MANBA: variants seen among roughly 807,000 people sequenced by gnomAD.
MANBA encodes the protein beta-mannosidase.
A neutral mutation model predicts 111.1 loss-of-function variants in MANBA; 83 were observed. That is an observed-to-expected ratio of 0.75 (90% confidence interval 0.63 to 0.90). MANBA has a LOEUF of 0.90. Among genes scored for constraint, MANBA ranks in the 40% least tolerant of loss-of-function variants. The probability of loss-of-function intolerance (pLI) is 0.00; values close to 1 mark genes in which losing one functional copy is unlikely to be tolerated. For missense variants in MANBA, 1,036 were observed against 1,069.0 expected, an observed-to-expected ratio of 0.97 and a Z score of 0.43; for synonymous variants, 370 against 378.7, an observed-to-expected ratio of 0.98 and a Z score of 0.27.
intron 5 of MANBA, among the ~76,000 whole-genome samples, chr4:102,702,785 G>C (rs888634447): frequency 6.6e-6 from 1 of 152,138 alleles, no homozygotes; most frequent in Non-Finnish European, 1.5e-5. Flanking sequence ...AACTATGGTT[G>C]GTCCTTTGAT....
Position 102,644,055 on chromosome 4 carries a change from T to C in MANBA, c.1870-4198A>G, listed in dbSNP as rs186595766. Among the ~76,000 whole-genome samples, 255 of 152,326 alleles carry C rather than the reference T, an allele frequency of 1.7e-3. 1 individual carries two copies. Among genetic ancestry groups the C allele is most frequent in the African/African-American group, 5.8e-3 (240 of 41,586 alleles). ...CTATTACATATAGATCTTTGATCCA[T>C]TTTGAGTTAATTTTTGTATATGGTA... On this transcript the variant is annotated intron_variant, in intron 13 of 16. Transcript: ENST00000647097.
chr4:102,638,219 T>C (rs376512495), intron 14 of MANBA, among the ~76,000 whole-genome samples: 58 of 152,016 alleles, frequency 3.8e-4, no homozygotes, highest in African/African-American at 1.4e-3. Flanking sequence ...AGACCAGGTG[T>C]TCAAGACCAG....
Position 102,634,850 on chromosome 4 carries a change from T to A in MANBA, c.2353A>T (p.Thr785Ser). The stretch of plus-strand genomic sequence containing the variant: ...GGTGAGGACAAGAAGTGGTAGTTGG[T>A]CGGGCTCAGGAGTTCATGGTCAGCT... Reference protein sequence around the residue: ...LSADHELLSPTNYHFLSSPKE... With the variant: ...LSADHELLSPSNYHFLSSPKE... Residue 785 changes from threonine (T) to serine (S), a missense_variant, in exon 16 of 17, where the codon ACC becomes TCC. Transcript: ENST00000647097. The A allele has an allele frequency of 3.1e-6, 5 of 1,614,178 alleles. No homozygotes were observed. The highest frequency in any genetic ancestry group is 4.2e-6 in the Non-Finnish European group (5 of 1,180,006).
intron 4 of MANBA, 63 bp downstream of exon 4, chr4:102,722,808 A>G (rs955874795): frequency 5.3e-5 from 81 of 1,527,496 alleles, no homozygotes; most frequent in Middle Eastern, 1.7e-4. Flanking sequence ...TCAAATAAGC[A>G]TTTCATATGC....
chr4:102,681,671 T>A (rs1731983675), intron 7 of MANBA: 1 of 152,234 alleles, frequency 6.6e-6, no homozygotes, highest in Non-Finnish European at 1.5e-5. Context: ...TTATAATCAC[T>A]GTGCTATTGT....
chr4:102,635,163 A>T (rs1729566958), intron 15 of MANBA, 118 bp from the exon 16 acceptor site: 2 of 1,123,786 alleles, frequency 1.8e-6, no homozygotes, highest in African/African-American at 3.1e-5. Context: ...AGACTATGAA[A>T]CCTGAGTTTT....
intron 5 of MANBA, among the ~76,000 whole-genome samples, chr4:102,699,702 T>C (rs1226189565): frequency 0.014 from 2,116 of 148,066 alleles, 31 homozygotes; most frequent in African/African-American, 0.04. Flanking sequence ...ATCCCAGGGA[T>C]GAAGCCCACT....
chr4:102,754,058 G>C (rs554504552), intron 1 of MANBA: 129 of 257,310 alleles, frequency 5.0e-4, no homozygotes, highest in South Asian at 4.0e-3. Flanking sequence ...GCCAAAAGAA[G>C]ATGAATTAGA....
At chr4:102,724,430 G>C (rs1722707929) in intron 2 of MANBA, among the ~76,000 whole-genome samples, 2 of 151,956 alleles carry the variant, frequency 1.3e-5, no homozygotes, top group South Asian at 4.1e-4. Flanking sequence ...GTGGTGGCGG[G>C]TGCCTGTAAT....
rs557258106 is a variant in MANBA, at chr4:102,714,184, G to A, written c.673+254C>T. Among the ~76,000 whole-genome samples, 67 of 152,224 alleles carry A rather than the reference G, an allele frequency of 4.4e-4. 2 individuals carry two copies. In the South Asian group the frequency reaches 8.9e-3, roughly 20 times the overall value. The stretch of plus-strand genomic sequence containing the variant: ...AATACTTATCTCAGGAAAACTTGGC[G>A]CTGCTCTTCCATTTTATTTTTTCCT... On this transcript the variant is annotated intron_variant, in intron 5 of 16. Transcript: ENST00000647097.
intron 1 of MANBA, chr4:102,729,956 C>G: frequency 1.8e-6 from 2 of 1,091,592 alleles, no homozygotes; most frequent in Non-Finnish European, 2.8e-6. Context: ...GGGGGCTCAG[C>G]AGGCTCTGGT....
At chr4:102,752,371 C>T in intron 1 of MANBA, 2 of 1,295,614 alleles carry the variant, frequency 1.5e-6, no homozygotes, top group Non-Finnish European at 2.2e-6. Context: ...AACTAAAGAC[C>T]ATTCTTTGGT....
At chr4:102,692,410 C>A (rs77746751) in intron 5 of MANBA, among the ~76,000 whole-genome samples, 1 of 152,054 alleles carries the variant, frequency 6.6e-6, no homozygotes, top group African/African-American at 2.4e-5. Context: ...TTTATATACG[C>A]GCAGTATGAC....
rs70937562 is a variant in MANBA at position 102,688,364 on chromosome 4, TTCTC to T, written c.960+1206_960+1209del. 9.6e-5 allele frequency among the ~76,000 whole-genome samples: 10 copies of T among 104,578 alleles called. 1 individual carries two copies. Among genetic ancestry groups the T allele is most frequent in the Non-Finnish European group, 8.4e-5 (4 of 47,636 alleles). The allele number at this position is 104,578 out of a possible 152,430, so 68.6% of individuals were successfully genotyped here. A position where few individuals can be genotyped will look rare whatever the true frequency, so the allele number is the denominator to read the frequency against. ...CCTCTCACACACACATACACACTCT[TTCTC>T]TCTCTCCCCTCCCCCCTTACACACA... On this transcript the variant is annotated intron_variant, in intron 7 of 16. Transcript: ENST00000647097.
At chr4:102,638,848 G>A (rs1008144505) in intron 14 of MANBA, among the ~76,000 whole-genome samples, 1 of 152,054 alleles carries the variant, frequency 6.6e-6, no homozygotes, top group Non-Finnish European at 1.5e-5. Context: ...CTTTTGATCT[G>A]CATTCACAGC....
At chr4:102,730,298 A>G (rs552367795) in intron 1 of MANBA, 208 of 542,760 alleles carry the variant, frequency 3.8e-4, no homozygotes, top group African/African-American at 3.5e-3. Flanking sequence ...GGAATTTACA[A>G]GAGGGTATAA....
At chr4:102,713,275 C>G (rs1208449120) in intron 5 of MANBA, among the ~76,000 whole-genome samples, 2 of 152,202 alleles carry the variant, frequency 1.3e-5, no homozygotes, top group Non-Finnish European at 2.9e-5. Flanking sequence ...ATTGCACGCT[C>G]TCATTTAAGA....
rs532529876 is a variant in MANBA, at chr4:102,707,818, T to C, written c.673+6620A>G. Reference sequence around the variant, plus strand: ...GACTGAAAGTAAAGGAATGGAAAAATATATTCCATGCAAATGGAAATAAAA... The same window carrying C: ...GACTGAAAGTAAAGGAATGGAAAAACATATTCCATGCAAATGGAAATAAAA... On this transcript the variant is annotated intron_variant, in intron 5 of 16. Coordinates refer to ENST00000647097, the MANE Select transcript of MANBA (RefSeq NM_005908.4). 6.2e-4 allele frequency among the ~76,000 whole-genome samples: 95 copies of C among 152,136 alleles called. 1 individual carries two copies. The highest frequency in any genetic ancestry group is 2.2e-3 in the African/African-American group (91 of 41,530).
At chr4:102,703,602 T>C (rs1043723658) in intron 5 of MANBA, among the ~76,000 whole-genome samples, 8 of 152,166 alleles carry the variant, frequency 5.3e-5, no homozygotes, top group Admixed American at 3.3e-4. Context: ...GATCAGTGCT[T>C]GAGATATTCT....
Sources: gnomAD v4.1 joint callset for allele counts (sites outside exome capture counted in the v4.1 genomes callset) on GRCh38, gnomAD v4.1.1 for gene constraint, MANE v1.5 for transcripts, NCBI Gene and HGNC (gene_info 2026-07-23, HGNC 2026-07-21) for gene names.